The following PSD4 variants were observed in gnomAD, a reference collection of about 807,000 sequenced individuals.
The protein encoded by PSD4 is pleckstrin and Sec7 domain containing 4.
PSD4 carries 59 observed loss-of-function variants against 112.5 expected under a neutral mutation model. That is an observed-to-expected ratio of 0.52 (90% CI 0.43 to 0.65). The LOEUF (loss-of-function observed/expected upper bound fraction) is 0.65. PSD4 is among the 30% of genes least tolerant of loss of function. The pLI is 0.00. For synonymous variants in PSD4, 533 were observed against 540.0 expected, an observed-to-expected ratio of 0.99 and a Z score of 0.18; for missense variants, 1,267 against 1,352.6, an observed-to-expected ratio of 0.94 and a Z score of 0.99.
intron 14 of PSD4, chr2:113,198,513 C>T: frequency 4.4e-6 from 2 of 450,178 alleles, no homozygotes; most frequent in Non-Finnish European, 7.7e-6. Context: ...CTCAGGTGAT[C>T]CGCCTGCCAA....
chr2:113,203,235 C>T lies in PSD4; in HGVS notation c.*1820C>T, dbSNP rs1416101105. ...ACATGTCCCTGACTCCATGAGTTGA[C>T]AATCTTGCCCACTGGTTTCCTGCTC... is the stretch of plus-strand genomic sequence containing the variant. On this transcript the variant is annotated 3_prime_UTR_variant, in exon 17 of 17. Transcript: ENST00000245796. 1 of 152,270 alleles carries T rather than the reference C, an allele frequency of 6.6e-6. No individual in the cohort carries two copies. The highest frequency in any genetic ancestry group is 1.5e-5 in the Non-Finnish European group (1 of 68,052). The allele number at this position is 152,270 out of a possible 1,614,324, so 9.4% of individuals were successfully genotyped here.
At chr2:113,197,053 G>C (rs1321706354) in intron 12 of PSD4, 2 of 206,060 alleles carry the variant, frequency 9.7e-6, no homozygotes, top group Non-Finnish European at 2.0e-5. Context: ...GCTTAGAATG[G>C]ATCTTACCAC....
At chr2:113,198,448 T>G in intron 14 of PSD4, 1 of 331,190 alleles carries the variant, frequency 3.0e-6, no homozygotes, top group Non-Finnish European at 5.4e-6. Context: ...ATTTGTGTAT[T>G]TTTAGTAGAG....
rs764100404 is a variant in PSD4, at chr2:113,186,220, C to T, written c.1593C>T (p.Asp531=). Residue 531 remains aspartate, a synonymous_variant, in exon 5 of 17, where the codon GAC becomes GAT. Coordinates refer to ENST00000245796, the MANE Select transcript of PSD4 (RefSeq NM_012455.3). ...CAGCCAGGCCTGCAGAGACTGGAGA[C>T]GTCCAGCCTGACATTCACCTGACTT... The part of the protein sequence containing the change: ...EGTARPAETG[D]VQPDIHLTSA... 8.7e-6 allele frequency: 14 copies of T among 1,602,776 alleles called. No homozygotes were observed. The highest frequency in any genetic ancestry group is 3.4e-5 in the Admixed American group (2 of 59,082).
At position 113,186,204 on chromosome 2, in the gene PSD4, C is replaced by T. The variant is rs1688296347; in HGVS notation, c.1577C>T (p.Pro526Leu). The change falls in exon 5 of 17, where the codon CCT (proline) becomes CTT (leucine). Residue 526 changes from proline to leucine, a missense_variant. Physicochemically the swap from Pro to Leu is moderately conservative, Grantham distance 98. Transcript: ENST00000245796. ...GTAAAGAGTGAAGGAACAGCCAGGC[C>T]TGCAGAGACTGGAGACGTCCAGCCT... ...EEVKSEGTAR[P>L]AETGDVQPDI... 1 of 1,611,284 alleles carries T rather than the reference C, an allele frequency of 6.2e-7. No homozygotes were observed. Among genetic ancestry groups the T allele is most frequent in the Non-Finnish European group, 8.5e-7 (1 of 1,178,368 alleles).
intron 16 of PSD4, among the ~76,000 whole-genome samples, chr2:113,200,018 G>A (rs191871495): frequency 6.2e-4 from 94 of 152,188 alleles, no homozygotes; most frequent in African/African-American, 2.2e-3. Context: ...TAGAGACAGG[G>A]GTTCACCATG....
chr2:113,196,598 T>G, intron 12 of PSD4: 1 of 325,574 alleles, frequency 3.1e-6, no homozygotes, highest in Non-Finnish European at 5.7e-6. Context: ...GCGAAAAAAA[T>G]GTAGCAAGAG....
chr2:113,198,894 C>A lies in PSD4; in HGVS notation c.2769+10C>A. The A allele has an allele frequency of 6.4e-7, 1 of 1,573,866 alleles. No homozygotes were observed. Among genetic ancestry groups the A allele is most frequent in the African/African-American group, 1.3e-5 (1 of 74,354 alleles). On this transcript the variant is annotated intron_variant, in intron 15 of 16. Transcript: ENST00000245796. ...CGCCCAGAGCTCCCTGGTACGGCCT[C>A]CGGGAAGGGGTGGGGTCCGGCGGAA...
In PSD4 at chr2:113,201,501, C is replaced by A; in HGVS notation, c.*86C>A. On this transcript the variant is annotated 3_prime_UTR_variant, in exon 17 of 17. Transcript: ENST00000245796. ...CTGGAGGAGACTTATTTCAATGAGT[C>A]CACCATGACGGATGAGGCACCTCCT... is the stretch of plus-strand genomic sequence containing the variant. 6.6e-7 allele frequency: 1 copy of A among 1,521,644 alleles called. No homozygotes were observed. Among genetic ancestry groups the A allele is most frequent in the Non-Finnish European group, 8.9e-7 (1 of 1,124,396 alleles). The allele number at this position is 1,521,644 out of a possible 1,614,324, so 94.3% of individuals were successfully genotyped here. A position where few individuals can be genotyped will look rare whatever the true frequency, so the allele number is the denominator to read the frequency against.
rs1293544958 is a variant in PSD4 at position 113,208,353 on chromosome 2, C to G, written c.*6938C>G. The G allele has an allele frequency of 6.6e-6, 1 of 152,164 alleles. No individual in the cohort carries two copies. The highest frequency in any genetic ancestry group is 2.4e-5 in the African/African-American group (1 of 41,402). 9.4% of individuals were successfully genotyped at this position (152,164 alleles called of 1,614,324 possible). On this transcript the variant is annotated 3_prime_UTR_variant, in exon 17 of 17. Transcript: ENST00000245796. ...AATTCTAACTGTCCACAATACATGG[C>G]TCCTCAATATATCTTCCTGAAATTA...
At position 113,193,353 on chromosome 2, in the gene PSD4, G is replaced by T. The variant is rs776330551; in HGVS notation, c.2015G>T (p.Gly672Val). The change falls in exon 8 of 17, where the codon GGG becomes GTG. Residue 672 changes from glycine (G) to valine (V), a missense_variant. By Grantham distance (109) the Gly-to-Val change is moderately radical. This residue lies in a region of PSD4 where 544 missense variants were observed against 648.6 expected (regional missense o/e 0.84). Transcript: ENST00000245796. ...AGACGCTTCCACCATTGCAATCCGGGGATCTTCCCCTCAGTAGGTAGGGAG... is the reference window on the plus strand; with the variant it reads ...AGACGCTTCCACCATTGCAATCCGGTGATCTTCCCCTCAGTAGGTAGGGAG... ...FSRRFHHCNP[G>V]IFPSVDSVHT... 1 of 1,605,028 alleles carries T rather than the reference G, an allele frequency of 6.2e-7. No homozygotes were observed. Among genetic ancestry groups the T allele is most frequent in the African/African-American group, 1.4e-5 (1 of 73,984 alleles).
chr2:113,180,414 G>A (rs1389065961), intron 1 of PSD4, among the ~76,000 whole-genome samples: 2 of 152,226 alleles, frequency 1.3e-5, no homozygotes, highest in Admixed American at 1.3e-4. Flanking sequence ...CCATGGGTTT[G>A]TTATGTGTGC....
rs765178433 is a variant in PSD4, at chr2:113,196,306, G to A, written c.2385G>A (p.Lys795=). 1 of 1,611,740 alleles carries A rather than the reference G, an allele frequency of 6.2e-7. No individual in the cohort carries two copies. The highest frequency in any genetic ancestry group is 8.5e-7 in the Non-Finnish European group (1 of 1,178,284). ...TGCATCAAGATGCAGACGGCAAGAA[G>A]AGTGAGTGTCTGCTGCCCACAAACA... The part of the protein sequence containing the change: ...RKMHQDADGK[K]TPWGKRGWKM... Residue 795 remains lysine (K), a splice_region_variant and synonymous_variant, in exon 12 of 17, where the codon AAG becomes AAA. Coordinates refer to ENST00000245796, the MANE Select transcript of PSD4 (RefSeq NM_012455.3).
In PSD4 at chr2:113,195,787, T is replaced by TTCCCCTCTCCCTCTCACCCCTC. The variant is rs745929471; in HGVS notation, c.2225+24_2225+45dup. Reference sequence around the variant, plus strand: ...GTGGGCCGTGTGAGTGAGACTCCCTTTCCCCTCTCCCTCTCACCCCTCTCC... The same window carrying TTCCCCTCTCCCTCTCACCCCTC: ...GTGGGCCGTGTGAGTGAGACTCCCTTTCCCCTCTCCCTCTCACCCCTCTCCCCTCTCCCTCTCACCCCTCTCC... On this transcript the variant is annotated intron_variant, in intron 11 of 16. Coordinates refer to ENST00000245796, the MANE Select transcript of PSD4 (RefSeq NM_012455.3). The TTCCCCTCTCCCTCTCACCCCTC allele has an allele frequency of 1.9e-6, 3 of 1,614,030 alleles. No individual in the cohort carries two copies. The South Asian group carries it at 3.3e-5, about 18-fold the overall frequency.
Position 113,201,495 on chromosome 2 carries a change from A to G in PSD4, c.*80A>G, listed in dbSNP as rs924030638. The stretch of plus-strand genomic sequence containing the variant: ...ACCTCCCTGGAGGAGACTTATTTCA[A>G]TGAGTCCACCATGACGGATGAGGCA... On this transcript the variant is annotated 3_prime_UTR_variant, in exon 17 of 17. Transcript: ENST00000245796. 7 of 1,547,366 alleles carry G rather than the reference A, an allele frequency of 4.5e-6. No individual in the cohort carries two copies. Among genetic ancestry groups the G allele is most frequent in the Non-Finnish European group, 5.3e-6 (6 of 1,140,634 alleles).
chr2:113,178,156 T>C (rs547872704), intron 1 of PSD4, among the ~76,000 whole-genome samples: 51 of 152,170 alleles, frequency 3.4e-4, no homozygotes, highest in African/African-American at 8.9e-4. Context: ...AGTCAGAAGT[T>C]GCAGTGAGCT....
Position 113,183,520 on chromosome 2 carries a change from C to A in PSD4, c.1056+8C>A. 6.4e-7 allele frequency: 1 copy of A among 1,552,506 alleles called. No individual in the cohort carries two copies. Among genetic ancestry groups the A allele is most frequent in the Non-Finnish European group, 8.7e-7 (1 of 1,153,360 alleles). ...GGTCACGGGGAGAGTGAGGTAAGCC[C>A]AGTCTTGGGAACCAACCGGGGCTGT... On this transcript the variant is annotated splice_region_variant and intron_variant, in intron 2 of 16. Coordinates refer to ENST00000245796, the MANE Select transcript of PSD4 (RefSeq NM_012455.3).
At position 113,183,178 on chromosome 2, in the gene PSD4, AG is replaced by A; in HGVS notation, c.724del (p.Glu242ArgfsTer36). On this transcript the variant is annotated frameshift_variant, in exon 2 of 17. Transcript: ENST00000245796. LOFTEE classifies it high-confidence loss of function. The stretch of plus-strand genomic sequence containing the variant: ...TCTTCCCCACAGTGGGGAGCTGAGG[AG>A]GAGAGCATGTTCTTCAGCAACCCCC... ...PDSSPQWGAE[E>X]ESMFFSNPLF... The A allele has an allele frequency of 1.2e-6, 2 of 1,614,158 alleles. No individual in the cohort carries two copies. Among genetic ancestry groups the A allele is most frequent in the Non-Finnish European group, 1.7e-6 (2 of 1,180,022 alleles).
At chr2:113,196,030 G>T in intron 11 of PSD4, 117 bp from the exon 12 acceptor site, 1 of 1,294,120 alleles carries the variant, frequency 7.7e-7, no homozygotes. Context: ...CCTTGTGGGG[G>T]GTCCTGGGGT....
Sources: gnomAD v4.1 joint callset for allele counts (sites outside exome capture counted in the v4.1 genomes callset) on GRCh38, gnomAD v4.1.1 for gene constraint, gnomAD v4.1.1 regional missense constraint, MANE v1.5 for transcripts, NCBI Gene and HGNC (gene_info 2026-07-23, HGNC 2026-07-21) for gene names.